FGD1: variants seen among roughly 807,000 people sequenced by gnomAD.
FGD1 encodes FYVE, RhoGEF and PH domain containing 1.
A neutral mutation model predicts 65.0 loss-of-function variants in FGD1; 12 were observed. The observed-to-expected ratio is 0.18, with a 90% CI of 0.12 to 0.30. The LOEUF is 0.30. Among genes scored for constraint, FGD1 ranks in the 10% least tolerant of loss-of-function variants. The pLI is 1.00. For missense variants in FGD1, 542 were observed against 837.6 expected (o/e 0.65, Z 4.36); for synonymous variants, 333 against 343.9 (o/e 0.97, Z 0.35).
At position 54,447,203 on chromosome X, in the gene FGD1, C is replaced by T. The variant is rs1450390963; in HGVS notation, c.2580+108G>A. 9.1e-6 allele frequency: 8 copies of T among 878,239 alleles called. No individual in the cohort carries two copies. In the South Asian group the frequency reaches 1.7e-4, roughly 19 times the overall value. 72.4% of individuals were successfully genotyped at this position (878,239 alleles called of 1,213,427 possible). On this transcript the variant is annotated intron_variant, in intron 17 of 17. Transcript: ENST00000375135. ...TCTGATTTCCTCTTAGAGATAGGCT[C>T]ACCTTATCTTCCAAGGCTCACCTTA... is the stretch of plus-strand genomic sequence containing the variant.
rs1923542288 is a variant in FGD1 at position 54,496,189 on chromosome X, A to T, written c.-757T>A. 9.0e-6 allele frequency: 1 copy of T among 111,066 alleles called. No homozygotes were observed. Among genetic ancestry groups the T allele is most frequent in the South Asian group, 3.8e-4 (1 of 2,636 alleles). 9.2% of individuals were successfully genotyped at this position (111,066 alleles called of 1,213,427 possible). On this transcript the variant is annotated 5_prime_UTR_variant, in exon 1 of 18. Transcript: ENST00000375135. ...CTGGGAAGGGGGGTGGGGAGGCGGG[A>T]GCCTCGCAGAGGCAGCCGCAGCCAC...
chrX:54,446,478 C>T, intron 17 of FGD1, 64 bp from the exon 18 acceptor site: 5 of 1,083,125 alleles, frequency 4.6e-6, no homozygotes, highest in Non-Finnish European at 6.3e-6. Flanking sequence ...GCCCCAGCTT[C>T]TAACTGGTTT....
chrX:54,494,396 GTCTT>G (rs1359778090), intron 1 of FGD1, among the ~76,000 whole-genome samples: 3 of 91,285 alleles, frequency 3.3e-5, no homozygotes, highest in Non-Finnish European at 6.2e-5. Flanking sequence ...TCAATCCACC[GTCTT>G]TCTTTTTTTT....
At chrX:54,456,980 T>C (rs1330969059) in intron 8 of FGD1, among the ~76,000 whole-genome samples, 1 of 110,713 alleles carries the variant, frequency 9.0e-6, no homozygotes, top group Non-Finnish European at 1.9e-5. Context: ...GATCACACCC[T>C]CCCATCTCAG....
intron 1 of FGD1, among the ~76,000 whole-genome samples, chrX:54,492,626 C>T (rs1018781122): frequency 4.5e-5 from 5 of 112,318 alleles, no homozygotes; most frequent in Non-Finnish European, 7.5e-5. Context: ...CATGGCCCGG[C>T]GCCCGCCTAG....
At position 54,495,294 on chromosome X, in the gene FGD1, C is replaced by T. The variant is rs768787277; in HGVS notation, c.139G>A (p.Gly47Ser). Residue 47 changes from glycine (G) to serine (S), a missense_variant, in exon 1 of 18, where the codon GGC becomes AGC. Coordinates refer to ENST00000375135, the MANE Select transcript of FGD1 (RefSeq NM_004463.3). ...GGGCCGCCAAGAGCCGAACCTGAGC[C>T]CCTGCGCGCCAGCAGTCCGGGTTCC... ...ASEPGLLARR[G>S]SGSALGGPLD... 2 of 1,183,715 alleles carry T rather than the reference C, an allele frequency of 1.7e-6. No individual in the cohort carries two copies. Among genetic ancestry groups the T allele is most frequent in the Admixed American group, 2.4e-5 (1 of 42,395 alleles).
At chrX:54,465,619 A>T (rs1922740474) in intron 7 of FGD1, 30 bp from the exon 8 acceptor site, 2 of 1,210,460 alleles carry the variant, frequency 1.7e-6, no homozygotes, top group Non-Finnish European at 2.2e-6. Flanking sequence ...AGGGGCTCAG[A>T]TCTGGCTGCA....
intron 3 of FGD1, 55 bp downstream of exon 3, chrX:54,470,528 T>C: frequency 1.7e-6 from 2 of 1,183,018 alleles, no homozygotes; most frequent in Non-Finnish European, 2.3e-6. Flanking sequence ...TGACTATCCC[T>C]TCCTGTCCCA....
chrX:54,462,353 G>A (rs920073526), intron 8 of FGD1, among the ~76,000 whole-genome samples: 10 of 109,386 alleles, frequency 9.1e-5, no homozygotes, highest in East Asian at 2.9e-4. Flanking sequence ...TTTGGGAAGC[G>A]GACACAGCAG....
rs767353362 is a variant in FGD1 at position 54,492,601 on chromosome X, T to C, written c.307+2525A>G. Among the ~76,000 whole-genome samples the C allele has an allele frequency of 2.8e-4, 32 of 112,494 alleles. No individual in the cohort carries two copies. In the East Asian group the frequency reaches 8.1e-3, roughly 29 times the overall value. On this transcript the variant is annotated intron_variant, in intron 1 of 17. Coordinates refer to ENST00000375135, the MANE Select transcript of FGD1 (RefSeq NM_004463.3). ...GGGGGAGGTGGCCTCTCACAACCCA[T>C]GCTGCAGTGAATCACATGGCCCGGC...
In FGD1 at chrX:54,469,996, C is replaced by T. The variant is rs146079207; in HGVS notation, c.1101+20G>A. On this transcript the variant is annotated intron_variant, in intron 4 of 17. Transcript: ENST00000375135. ...AGGTTCTCCACATGGACCTGCCTCT[C>T]GGTGAACACAGGTCAGTACCTCCAC... The T allele has an allele frequency of 4.0e-5, 48 of 1,195,723 alleles. 1 individual carries two copies. In the African/African-American group the frequency reaches 6.7e-4, roughly 17 times the overall value.
chrX:54,455,109 G>A (rs1203637977), intron 12 of FGD1, among the ~76,000 whole-genome samples: 1 of 112,409 alleles, frequency 8.9e-6, no homozygotes, highest in East Asian at 2.8e-4. Context: ...AACTATTTGT[G>A]GTGGTATTAT....
rs57920117 is a variant in FGD1, at chrX:54,488,269, C to CAAAAAA, written c.307+6851_307+6856dup. 9.1e-4 allele frequency among the ~76,000 whole-genome samples: 5 copies of CAAAAAA among 5,465 alleles called. 1 individual carries two copies. Among genetic ancestry groups the CAAAAAA allele is most frequent in the Non-Finnish European group, 1.8e-3 (5 of 2,803 alleles). The allele number at this position is 5,465 out of a possible 115,157, so 4.7% of individuals were successfully genotyped here. The stretch of plus-strand genomic sequence containing the variant: ...TGGGCTACAGAGCGAGACTCAGTCT[C>CAAAAAA]AAAAAAAAAAAAAAAAAAAAAAAAA... On this transcript the variant is annotated intron_variant, in intron 1 of 17. Coordinates refer to ENST00000375135, the MANE Select transcript of FGD1 (RefSeq NM_004463.3).
intron 8 of FGD1, among the ~76,000 whole-genome samples, chrX:54,458,540 CA>C (rs774218099): frequency 9.1e-3 from 160 of 17,582 alleles, no homozygotes; most frequent in African/African-American, 0.016. Flanking sequence ...GACTACGTCT[CA>C]AAAAAAAAAA....
intron 1 of FGD1, among the ~76,000 whole-genome samples, chrX:54,487,261 A>G (rs1923301315): frequency 9.0e-6 from 1 of 111,613 alleles, no homozygotes; most frequent in Admixed American, 9.5e-5. Context: ...TTTCTATGGC[A>G]AAGTTACAGC....
At chrX:54,483,573 C>T (rs1055569402) in intron 1 of FGD1, among the ~76,000 whole-genome samples, 6 of 112,364 alleles carry the variant, frequency 5.3e-5, no homozygotes, top group Admixed American at 4.7e-4. Context: ...GCTCTTCCCT[C>T]TTAGTCTCAG....
intron 12 of FGD1, among the ~76,000 whole-genome samples, chrX:54,451,529 C>G (rs10481874): frequency 9.2e-6 from 1 of 109,068 alleles, no homozygotes; most frequent in African/African-American, 3.3e-5. Flanking sequence ...AGGTGATCCA[C>G]CCGCCTTGGC....
chrX:54,493,476 TCACAA>T (rs1344802976), intron 1 of FGD1, among the ~76,000 whole-genome samples: 5 of 111,861 alleles, frequency 4.5e-5, no homozygotes, highest in Non-Finnish European at 9.4e-5. Flanking sequence ...TGATGGAGAC[TCACAA>T]GTGGCCCTAC....
Position 54,446,399 on chromosome X carries a change from G to A in FGD1, c.2596C>T (p.Arg866Cys). 1.7e-6 allele frequency: 2 copies of A among 1,209,836 alleles called. No individual in the cohort carries two copies. The highest frequency in any genetic ancestry group is 2.2e-6 in the Non-Finnish European group (2 of 894,565). Residue 866 changes from arginine to cysteine, a missense_variant, in exon 18 of 18, where the codon CGC becomes TGC. Physicochemically the swap from Arg to Cys is radical, Grantham distance 180. This residue lies in a region of FGD1 where 182 missense variants were observed against 311.4 expected (regional missense o/e 0.58). Coordinates refer to ENST00000375135, the MANE Select transcript of FGD1 (RefSeq NM_004463.3). ...YGAPQDVKAQ[R>C]SLPLIGFEVG... The stretch of plus-strand genomic sequence containing the variant: ...TCGAAGCCAATGAGGGGCAGGCTGC[G>A]CTGGGCTTTCACATCCTGGCGGGAG...
Sources: allele counts gnomAD v4.1 joint callset (sites outside exome capture counted in the v4.1 genomes callset), GRCh38; gene constraint gnomAD v4.1.1; regional missense constraint gnomAD v4.1.1; transcripts MANE v1.5; gene names NCBI Gene and HGNC (gene_info 2026-07-23, HGNC 2026-07-21).